HCN3: variants seen among roughly 807,000 people sequenced by gnomAD.
The protein encoded by HCN3 is potassium/sodium hyperpolarization-activated cyclic nucleotide-gated channel 3.
HCN3 carries 36 observed loss-of-function variants against 56.8 expected under a neutral mutation model. That is an observed-to-expected ratio of 0.63 (90% CI 0.49 to 0.84). HCN3 has a LOEUF of 0.84. HCN3 is among the 40% of genes least tolerant of loss of function. The probability of loss-of-function intolerance (pLI) is 0.00; values close to 1 mark genes in which losing one functional copy is unlikely to be tolerated. For synonymous variants in HCN3, 425 were observed against 439.7 expected (o/e 0.97, Z 0.42); for missense variants, 930 against 1,079.3 (o/e 0.86, Z 1.94).
At chr1:155,277,951 C>T in intron 1 of HCN3, 83 bp downstream of exon 1, 2 of 1,487,246 alleles carry the variant, frequency 1.3e-6, no homozygotes, top group East Asian at 2.4e-5. Flanking sequence ...CCGCCCCACC[C>T]TCCACGGTCA....
rs1338900847 is a variant in HCN3 at position 155,282,407 on chromosome 1, T to G, written c.279-4T>G. On this transcript the variant is annotated splice_region_variant and splice_polypyrimidine_tract_variant and intron_variant, in intron 1 of 7. Coordinates refer to ENST00000368358, the MANE Select transcript of HCN3 (RefSeq NM_020897.3). The surrounding 1 kb of genome is among the most constrained non-coding windows in gnomAD (Gnocchi z 4.7). ...TCTTACTCCTCATCTCACTCCCACC[T>G]TAGGTTTTACTGGGACCTGATCATG... 1 of 1,613,764 alleles carries G rather than the reference T, an allele frequency of 6.2e-7. No individual in the cohort carries two copies. Among genetic ancestry groups the G allele is most frequent in the African/African-American group, 1.3e-5 (1 of 74,944 alleles).
intron 2 of HCN3, 58 bp from the exon 3 acceptor site, chr1:155,283,916 G>T (rs927521676): frequency 2.2e-5 from 34 of 1,570,490 alleles, no homozygotes; most frequent in Non-Finnish European, 3.0e-5. Context: ...GCTGGGAATG[G>T]AGGAGGACAA....
Position 155,284,174 on chromosome 1 carries a change from T to C in HCN3, c.870+39T>C. ...ACAGCTCTGCCTTTCCTGGGCCTTCTTAGGGCTCTTCTGCCTGAGTAGCAG... is the reference window on the plus strand; with the variant it reads ...ACAGCTCTGCCTTTCCTGGGCCTTCCTAGGGCTCTTCTGCCTGAGTAGCAG... On this transcript the variant is annotated intron_variant, in intron 3 of 7. Transcript: ENST00000368358. This position sits in a 1 kb window ranked among gnomAD's most constrained non-coding sequence, Gnocchi z 4.3. 6.2e-7 allele frequency: 1 copy of C among 1,603,440 alleles called. No individual in the cohort carries two copies. The highest frequency in any genetic ancestry group is 8.5e-7 in the Non-Finnish European group (1 of 1,172,230).
Position 155,288,064 on chromosome 1 carries a change from T to C in HCN3, c.1926T>C (p.Leu642=). The part of the protein sequence containing the change: ...PLSPDSPATL[L]ARSAWRSAGS... ...CCCCTGACTCTCCAGCCACCCTCCT[T>C]GCTCGCTCTGCTTGGCGCTCAGCAG... is the stretch of plus-strand genomic sequence containing the variant. Residue 642 remains leucine, a synonymous_variant, in exon 8 of 8, where the codon CTT becomes CTC. Coordinates refer to ENST00000368358, the MANE Select transcript of HCN3 (RefSeq NM_020897.3). The surrounding 1 kb of genome is among the most constrained non-coding windows in gnomAD (Gnocchi z 6.5). 6.2e-7 allele frequency: 1 copy of C among 1,613,112 alleles called. No individual in the cohort carries two copies. The highest frequency in any genetic ancestry group is 8.5e-7 in the Non-Finnish European group (1 of 1,179,794).
Position 155,285,312 on chromosome 1 carries a change from G to A in HCN3, c.1236+1G>A. On this transcript the variant is annotated splice_donor_variant, in intron 5 of 7. Transcript: ENST00000368358. LOFTEE classifies it high-confidence loss of function. This position sits in a 1 kb window ranked among gnomAD's most constrained non-coding sequence, Gnocchi z 4.5. ...CGAGCTGAGCGAGCCGCTTCGCGAG[G>A]TGGGGCTGGGTTGGGCCTGGAAGGG... 1 of 1,613,906 alleles carries A rather than the reference G, an allele frequency of 6.2e-7. No homozygotes were observed. The highest frequency in any genetic ancestry group is 8.5e-7 in the Non-Finnish European group (1 of 1,179,818).
At position 155,288,204 on chromosome 1, in the gene HCN3, C is replaced by T; in HGVS notation, c.2066C>T (p.Ser689Phe). 1.3e-6 allele frequency: 2 copies of T among 1,574,790 alleles called. No homozygotes were observed. Among genetic ancestry groups the T allele is most frequent in the East Asian group, 2.3e-5 (1 of 42,766 alleles). ...GCCAGCCTATCCCGGGCAGGGCGCT[C>T]CCAGGTCTCCCTGCTGGGTCCCCCT... ...LHASLSRAGR[S>F]QVSLLGPPPG... is the part of the protein sequence containing the mutation. The change falls in exon 8 of 8, where the codon TCC becomes TTC. Residue 689 changes from serine to phenylalanine, a missense_variant. Transcript: ENST00000368358. This position sits in a 1 kb window ranked among gnomAD's most constrained non-coding sequence, Gnocchi z 6.5.
rs1248348670 is a variant in HCN3, at chr1:155,287,845, C to G, written c.1707C>G (p.Ile569Met). 1 of 1,613,170 alleles carries G rather than the reference C, an allele frequency of 6.2e-7. No homozygotes were observed. Among genetic ancestry groups the G allele is most frequent in the African/African-American group, 1.3e-5 (1 of 74,916 alleles). The change falls in exon 8 of 8, where the codon ATC (isoleucine) becomes ATG (methionine). Residue 569 changes from isoleucine (I) to methionine (M), a missense_variant. Physicochemically the swap from Ile to Met is conservative, Grantham distance 10. Coordinates refer to ENST00000368358, the MANE Select transcript of HCN3 (RefSeq NM_020897.3). Reference sequence around the variant, plus strand: ...CAAGTCCAGGCAGCAGTGGTGGCATCATGGAGCAGCACTTGGTGCAACATG... The same window carrying G: ...CAAGTCCAGGCAGCAGTGGTGGCATGATGGAGCAGCACTTGGTGCAACATG... Reference protein sequence around the residue: ...SEPSPGSSGGIMEQHLVQHDR... With the variant: ...SEPSPGSSGGMMEQHLVQHDR...
chr1:155,283,238 A>G (rs1674146760), intron 2 of HCN3, among the ~76,000 whole-genome samples: 1 of 151,996 alleles, frequency 6.6e-6, no homozygotes, highest in African/African-American at 2.4e-5. Flanking sequence ...TCCCAGTTTT[A>G]TTGTTTACTA....
chr1:155,287,788 G>T lies in HCN3; in HGVS notation c.1650G>T (p.Lys550Asn), dbSNP rs150647933. The change falls in exon 8 of 8, where the codon AAG (lysine) becomes AAT (asparagine). Residue 550 changes from lysine to asparagine, a missense_variant. By Grantham distance (94) the Lys-to-Asn change is moderately conservative. Coordinates refer to ENST00000368358, the MANE Select transcript of HCN3 (RefSeq NM_020897.3). Reference sequence around the variant, plus strand: ...TCCCGGTACAACTTCTAGGCAAGAAGAATTCCATACTGCAGCGGAAGCGCT... The same window carrying T: ...TCCCGGTACAACTTCTAGGCAAGAATAATTCCATACTGCAGCGGAAGCGCT... ...AMDRLLRIGK[K>N]NSILQRKRSE... 9.5e-6 allele frequency: 15 copies of T among 1,577,402 alleles called. No individual in the cohort carries two copies. The African/African-American group carries it at 1.8e-4, about 19-fold the overall frequency.
chr1:155,284,687 C>G lies in HCN3; in HGVS notation c.1019C>G (p.Ala340Gly). ...LSMIVGATCY[A>G]MFIGHATALI... ...ATGATCGTAGGTGCCACATGCTACG[C>G]CATGTTCATCGGCCATGCCACGGCA... Residue 340 changes from alanine to glycine, a missense_variant, in exon 4 of 8, where the codon GCC becomes GGC. By Grantham distance (60) the Ala-to-Gly change is moderately conservative (BLOSUM62 0). Coordinates refer to ENST00000368358, the MANE Select transcript of HCN3 (RefSeq NM_020897.3). This position sits in a 1 kb window ranked among gnomAD's most constrained non-coding sequence, Gnocchi z 4.3. 6.2e-7 allele frequency: 1 copy of G among 1,614,248 alleles called. No homozygotes were observed. Among genetic ancestry groups the G allele is most frequent in the Non-Finnish European group, 8.5e-7 (1 of 1,180,054 alleles).
chr1:155,287,315 C>G lies in HCN3; in HGVS notation c.1620C>G (p.Ala540=), dbSNP rs201015446. The change falls in exon 7 of 8, where the codon GCC becomes GCG. Residue 540 remains alanine (A), a synonymous_variant. Transcript: ENST00000368358. ...TGCGCCGGGCCTTTGAGACTGTGGC[C>G]ATGGATCGGCTGCTCCGCATCGGTG... ...PMMRRAFETV[A]MDRLLRIGKK... is the part of the protein sequence containing the mutation. 2 of 1,613,982 alleles carry G rather than the reference C, an allele frequency of 1.2e-6. No individual in the cohort carries two copies. The highest frequency in any genetic ancestry group is 1.7e-4 in the Middle Eastern group (1 of 6,048).
intron 7 of HCN3, 30 bp downstream of exon 7, chr1:155,287,367 G>A (rs752318272): frequency 2.5e-6 from 4 of 1,611,224 alleles, no homozygotes; most frequent in Non-Finnish European, 3.4e-6. Context: ...TCTGCTCTGG[G>A]TCCAGACTGT....
At position 155,285,889 on chromosome 1, in the gene HCN3, A is replaced by C. The variant is rs755109897; in HGVS notation, c.1402A>C (p.Ile468Leu). ...EGSVGRKMYF[I>L]QHGLLSVLAR... ...CTCCGTGGGGAGGAAGATGTACTTC[A>C]TCCAGCATGGGCTGCTCAGTGTGCT... The change falls in exon 6 of 8, where the codon ATC (isoleucine) becomes CTC (leucine). Residue 468 changes from isoleucine to leucine, a missense_variant. Transcript: ENST00000368358. The surrounding 1 kb of genome is among the most constrained non-coding windows in gnomAD (Gnocchi z 4.5). The C allele has an allele frequency of 2.5e-6, 4 of 1,614,122 alleles. No individual in the cohort carries two copies. Among genetic ancestry groups the C allele is most frequent in the Non-Finnish European group, 2.5e-6 (3 of 1,179,982 alleles).
In HCN3 at chr1:155,285,529, T is replaced by G. The variant is rs981199869; in HGVS notation, c.1237-195T>G. On this transcript the variant is annotated intron_variant, in intron 5 of 7. Transcript: ENST00000368358. This position sits in a 1 kb window ranked among gnomAD's most constrained non-coding sequence, Gnocchi z 4.5. ...GAGGGACTATAGGGATCTCTGTTTT[T>G]GGGGGATGGTCCTGCAAGGGCTCAT... Among the ~76,000 whole-genome samples, 2 of 152,166 alleles carry G rather than the reference T, an allele frequency of 1.3e-5. No individual in the cohort carries two copies. Among genetic ancestry groups the G allele is most frequent in the African/African-American group, 2.4e-5 (1 of 41,448 alleles).
chr1:155,284,902 GTACCTTTTCCTTGTTT>G lies in HCN3; in HGVS notation c.1089+146_1089+161del. On this transcript the variant is annotated intron_variant, in intron 4 of 7. Transcript: ENST00000368358. This position sits in a 1 kb window ranked among gnomAD's most constrained non-coding sequence, Gnocchi z 4.3. Reference sequence around the variant, plus strand: ...GTCCATTTGTTCCCTGCCCCTGCATGTACCTTTTCCTTGTTTGAACCTATGCCTGTGCTTGGCCCCT... The same window carrying G: ...GTCCATTTGTTCCCTGCCCCTGCATGGAACCTATGCCTGTGCTTGGCCCCT... 1.1e-6 allele frequency: 1 copy of G among 876,026 alleles called. No homozygotes were observed. Among genetic ancestry groups the G allele is most frequent in the Non-Finnish European group, 1.7e-6 (1 of 574,982 alleles). The allele number at this position is 876,026 out of a possible 1,614,324, so 54.3% of individuals were successfully genotyped here.
In HCN3 at chr1:155,289,616, G is replaced by A. The variant is rs1359809550; in HGVS notation, c.*1153G>A. The A allele has an allele frequency of 6.6e-6, 1 of 152,542 alleles. No individual in the cohort carries two copies. Among genetic ancestry groups the A allele is most frequent in the African/African-American group, 2.4e-5 (1 of 41,456 alleles). 9.4% of individuals were successfully genotyped at this position (152,542 alleles called of 1,614,324 possible). ...TAAGGGAAAGGCCCAAGGTATCCAA[G>A]CCTGGGGAAGGGCAGGCCAGCCAGC... On this transcript the variant is annotated 3_prime_UTR_variant, in exon 8 of 8. Transcript: ENST00000368358.
rs1248547708 is a variant in HCN3, at chr1:155,285,431, G to A, written c.1236+120G>A. On this transcript the variant is annotated intron_variant, in intron 5 of 7. Transcript: ENST00000368358. This position sits in a 1 kb window ranked among gnomAD's most constrained non-coding sequence, Gnocchi z 4.5. ...AATGAGGCCTGCAGAGGGCCCCGTGGGAGGCCAGGTATTTGGGCTTTCAGG... is the reference window on the plus strand; with the variant it reads ...AATGAGGCCTGCAGAGGGCCCCGTGAGAGGCCAGGTATTTGGGCTTTCAGG... 1 of 1,343,218 alleles carries A rather than the reference G, an allele frequency of 7.4e-7. No homozygotes were observed. Among genetic ancestry groups the A allele is most frequent in the Non-Finnish European group, 1.0e-6 (1 of 993,928 alleles). 83.2% of individuals were successfully genotyped at this position (1,343,218 alleles called of 1,614,324 possible). A position where few individuals can be genotyped will look rare whatever the true frequency, so the allele number is the denominator to read the frequency against.
Position 155,282,439 on chromosome 1 carries a change from C to A in HCN3, c.307C>A (p.Leu103Met). The A allele has an allele frequency of 6.2e-7, 1 of 1,614,272 alleles. No individual in the cohort carries two copies. The highest frequency in any genetic ancestry group is 8.5e-7 in the Non-Finnish European group (1 of 1,180,048). ...RFYWDLIMLL[L>M]MVGNLIVLPV... ...TTACTGGGACCTGATCATGCTGCTG[C>A]TGATGGTGGGGAACCTCATCGTCCT... Residue 103 changes from leucine (L) to methionine (M), a missense_variant, in exon 2 of 8, where the codon CTG (leucine) becomes ATG (methionine). Coordinates refer to ENST00000368358, the MANE Select transcript of HCN3 (RefSeq NM_020897.3). This position sits in a 1 kb window ranked among gnomAD's most constrained non-coding sequence, Gnocchi z 4.7.
In HCN3 at chr1:155,284,753, A is replaced by G; in HGVS notation, c.1085A>G (p.Glu362Gly). 10 of 1,613,070 alleles carry G rather than the reference A, an allele frequency of 6.2e-6. No individual in the cohort carries two copies. The highest frequency in any genetic ancestry group is 7.6e-6 in the Non-Finnish European group (9 of 1,179,328). ...GACTCTTCCCGGCGTCAGTACCAGGAGAAGGTCAGCAGGGACAGGAGAGGG... is the reference window on the plus strand; with the variant it reads ...GACTCTTCCCGGCGTCAGTACCAGGGGAAGGTCAGCAGGGACAGGAGAGGG... ...SLDSSRRQYQ[E>G]KYKQVEQYMS... The change falls in exon 4 of 8, where the codon GAG becomes GGG. Residue 362 changes from glutamate (E) to glycine (G), a missense_variant. Coordinates refer to ENST00000368358, the MANE Select transcript of HCN3 (RefSeq NM_020897.3). The surrounding 1 kb of genome is among the most constrained non-coding windows in gnomAD (Gnocchi z 4.3).
Sources: allele counts gnomAD v4.1 joint callset (sites outside exome capture counted in the v4.1 genomes callset), GRCh38; gene constraint gnomAD v4.1.1; non-coding constraint Gnocchi (gnomAD v3.1); transcripts MANE v1.5; gene names NCBI Gene and HGNC (gene_info 2026-07-23, HGNC 2026-07-21).